HS2ST1: variants seen among roughly 807,000 people sequenced by gnomAD.
HS2ST1 encodes the protein heparan sulfate 2-O-sulfotransferase 1.
HS2ST1 carries 18 observed loss-of-function variants against 42.9 expected under a neutral mutation model. The ratio of observed to expected loss-of-function variants is 0.42; its 90% CI spans 0.29 to 0.62. HS2ST1 has a LOEUF of 0.62. HS2ST1 is among the 20% of genes least tolerant of loss of function. The pLI is 0.21. For synonymous variants in HS2ST1, 146 were observed against 152.9 expected (o/e 0.95, Z 0.33); for missense variants, 334 against 433.8 (o/e 0.77, Z 2.04).
At position 86,931,717 on chromosome 1, in the gene HS2ST1, C is replaced by A. The variant is rs1451013366; in HGVS notation, c.124+16557C>A. ...TTCAAGTAGTTTTCAATGCAGAATC[C>A]ATCAGTGTGGAACCTTATATAATGA... On this transcript the variant is annotated intron_variant, in intron 1 of 6. Coordinates refer to ENST00000370550, the MANE Select transcript of HS2ST1 (RefSeq NM_012262.4). 2.6e-5 allele frequency among the ~76,000 whole-genome samples: 4 copies of A among 152,098 alleles called. No homozygotes were observed. The South Asian group carries it at 8.3e-4, about 32-fold the overall frequency.
intron 1 of HS2ST1, among the ~76,000 whole-genome samples, chr1:86,916,811 A>C (rs1002589533): frequency 2.6e-5 from 4 of 152,204 alleles, no homozygotes; most frequent in South Asian, 4.1e-4. Flanking sequence ...TAAAATTTGT[A>C]CTTATTTTTT....
At chr1:86,962,619 G>T (rs1970607) in intron 1 of HS2ST1, among the ~76,000 whole-genome samples, 111,975 of 152,070 alleles carry the variant, frequency 0.74, 42,217 homozygotes, top group East Asian at 0.97. Flanking sequence ...TAAGATACGT[G>T]GCTTGCCTGG....
At chr1:87,004,749 G>A (rs1570478076) in intron 1 of HS2ST1, among the ~76,000 whole-genome samples, 1 of 152,134 alleles carries the variant, frequency 6.6e-6, no homozygotes, top group African/African-American at 2.4e-5. Flanking sequence ...AACACTAAAG[G>A]TGCTATAGAG....
At chr1:86,982,219 C>T (rs10782588) in intron 1 of HS2ST1, among the ~76,000 whole-genome samples, 112,287 of 152,098 alleles carry the variant, frequency 0.74, 42,783 homozygotes, top group East Asian at 0.97. Context: ...GATGATACCA[C>T]TGTTCCTTCT....
intron 1 of HS2ST1, among the ~76,000 whole-genome samples, chr1:87,011,863 C>A (rs532634332): frequency 6.6e-6 from 1 of 152,252 alleles, no homozygotes; most frequent in East Asian, 1.9e-4. Context: ...CTTCTTTATG[C>A]ATGATTTTGG....
intron 1 of HS2ST1, among the ~76,000 whole-genome samples, chr1:86,944,446 C>T (rs1647269303): frequency 6.6e-6 from 1 of 152,150 alleles, no homozygotes; most frequent in African/African-American, 2.4e-5. Flanking sequence ...CCTCCCCCTT[C>T]TGGGTTCTAG....
At chr1:87,092,346 A>G (rs1343049134) in intron 3 of HS2ST1, among the ~76,000 whole-genome samples, 185 bp from the exon 4 acceptor site, 1 of 151,014 alleles carries the variant, frequency 6.6e-6, no homozygotes, top group Non-Finnish European at 1.5e-5. Flanking sequence ...TGTTTACTTT[A>G]TTCTGACATG....
chr1:87,054,279 C>T (rs1052163246), intron 1 of HS2ST1, among the ~76,000 whole-genome samples: 4 of 152,160 alleles, frequency 2.6e-5, no homozygotes, highest in Admixed American at 6.6e-5. Context: ...TTCTGAAACT[C>T]TTCTAGAGAT....
At chr1:87,025,663 A>G (rs887832200) in intron 1 of HS2ST1, among the ~76,000 whole-genome samples, 1 of 152,190 alleles carries the variant, frequency 6.6e-6, no homozygotes, top group Non-Finnish European at 1.5e-5. Flanking sequence ...TCCATCAATA[A>G]TTTAAGATGT....
At chr1:86,916,277 A>G (rs991749172) in intron 1 of HS2ST1, among the ~76,000 whole-genome samples, 2 of 152,136 alleles carry the variant, frequency 1.3e-5, no homozygotes, top group African/African-American at 4.8e-5. Context: ...TTTTTTGCAT[A>G]CTCTCACCTC....
chr1:86,940,645 G>A (rs1386798976), intron 1 of HS2ST1, among the ~76,000 whole-genome samples: 3 of 152,134 alleles, frequency 2.0e-5, no homozygotes, highest in Non-Finnish European at 4.4e-5. Flanking sequence ...ATTTGGATAT[G>A]GGAAAATTAA....
chr1:86,995,318 T>C (rs1557508728), intron 1 of HS2ST1, among the ~76,000 whole-genome samples: 2 of 152,222 alleles, frequency 1.3e-5, no homozygotes. Flanking sequence ...ATTGCATGTT[T>C]AATTACCTTG....
chr1:87,054,589 T>C (rs1650915601), intron 1 of HS2ST1, among the ~76,000 whole-genome samples: 1 of 152,222 alleles, frequency 6.6e-6, no homozygotes. Context: ...ATACCAGCTA[T>C]TCATGCATTT....
intron 3 of HS2ST1, among the ~76,000 whole-genome samples, chr1:87,090,684 C>T (rs778081797): frequency 6.6e-6 from 1 of 151,916 alleles, no homozygotes; most frequent in South Asian, 2.1e-4. Context: ...TTTCAGTGGC[C>T]TCCCTCCTGA....
intron 1 of HS2ST1, among the ~76,000 whole-genome samples, chr1:87,006,209 G>T (rs1296992843): frequency 6.6e-6 from 1 of 152,238 alleles, no homozygotes; most frequent in African/African-American, 2.4e-5. Context: ...TTAAAATGCA[G>T]TAGTATTGCC....
At chr1:86,985,505 T>C (rs946280328) in intron 1 of HS2ST1, among the ~76,000 whole-genome samples, 111 of 71,192 alleles carry the variant, frequency 1.6e-3, no homozygotes, top group East Asian at 2.6e-3. Context: ...TACACATATA[T>C]ACACATATAT....
chr1:86,972,456 A>G (rs1410864397), intron 1 of HS2ST1, among the ~76,000 whole-genome samples: 1 of 152,208 alleles, frequency 6.6e-6, no homozygotes, highest in Non-Finnish European at 1.5e-5. Flanking sequence ...GGCTCAAGCC[A>G]TCCTCCTGGC....
intron 1 of HS2ST1, among the ~76,000 whole-genome samples, chr1:86,970,517 C>T (rs956377321): frequency 5.9e-5 from 9 of 152,068 alleles, no homozygotes; most frequent in African/African-American, 1.4e-4. Flanking sequence ...TGTTGTGCCT[C>T]AGCCTCCCAA....
chr1:86,969,387 A>C (rs1648163206), intron 1 of HS2ST1, among the ~76,000 whole-genome samples: 1 of 152,068 alleles, frequency 6.6e-6, no homozygotes, highest in Non-Finnish European at 1.5e-5. Flanking sequence ...TAGCTTTATA[A>C]ACGTGTGTGT....
Sources: allele counts gnomAD v4.1 joint callset (sites outside exome capture counted in the v4.1 genomes callset), GRCh38; gene constraint gnomAD v4.1.1; transcripts MANE v1.5; gene names NCBI Gene and HGNC (gene_info 2026-07-23, HGNC 2026-07-21).